BEGAIN: variants seen among roughly 807,000 people sequenced by gnomAD.
BEGAIN encodes brain enriched guanylate kinase associated, also known as brain-enriched guanylate kinase-associated protein.
Under a neutral mutation model 35.8 loss-of-function variants are expected in BEGAIN, and 19 were observed. The ratio of observed to expected loss-of-function variants is 0.53; its 90% CI spans 0.37 to 0.78. The LOEUF is 0.78. BEGAIN is among the 30% of genes least tolerant of loss of function. The pLI is 0.00. For synonymous variants in BEGAIN, 462 were observed against 388.6 expected (o/e 1.19, Z -2.22); for missense variants, 795 against 853.6 (o/e 0.93, Z 0.85).
chr14:100,538,217 C>T lies in BEGAIN; in HGVS notation c.1591G>A (p.Gly531Ser), dbSNP rs746823700. The T allele has an allele frequency of 3.2e-6, 5 of 1,565,516 alleles. No homozygotes were observed. Among genetic ancestry groups the T allele is most frequent in the Non-Finnish European group, 4.3e-6 (5 of 1,161,712 alleles). The change falls in exon 7 of 7, where the codon GGC becomes AGC. Residue 531 changes from glycine to serine, a missense_variant. Gly to Ser is a moderately conservative substitution (Grantham distance 56). Coordinates refer to ENST00000554140, the MANE Select transcript of BEGAIN (RefSeq NM_001385089.1). ...SPGRSADPLP[G>S]YAPSEGGDGD... ...TCCCCCCCCTCGCTGGGTGCATAGC[C>T]GGGCAGTGGGTCAGCCGAGCGGCCG...
chr14:100,538,073 C>CG lies in BEGAIN; in HGVS notation c.1734dup (p.Ala579ArgfsTer88). On this transcript the variant is annotated frameshift_variant, in exon 7 of 7. Transcript: ENST00000554140. LOFTEE classifies it high-confidence loss of function. ...AAGGCCTGCTGGGGGCTGAGGCGGG[C>CG]GGCAGGATGCATTTCCGGGGAGGCC... The CG allele has an allele frequency of 6.3e-7, 1 of 1,592,258 alleles. No individual in the cohort carries two copies. Among genetic ancestry groups the CG allele is most frequent in the Non-Finnish European group, 8.5e-7 (1 of 1,171,206 alleles).
chr14:100,538,731 G>A lies in BEGAIN; in HGVS notation c.1077C>T (p.Ala359=), dbSNP rs551646369. The part of the protein sequence containing the change: ...RDELFDRKPP[A]TTYEGSPRFA... Reference sequence around the variant, plus strand: ...AGCGAGGGCTGCCCTCGTAGGTGGTGGCGGGTGGCTTGCGGTCGAAGAGCT... The same window carrying A: ...AGCGAGGGCTGCCCTCGTAGGTGGTAGCGGGTGGCTTGCGGTCGAAGAGCT... Residue 359 remains alanine, a synonymous_variant, in exon 7 of 7, where the codon GCC becomes GCT. Transcript: ENST00000554140. The A allele has an allele frequency of 4.7e-5, 74 of 1,569,120 alleles. No individual in the cohort carries two copies. The African/African-American group carries it at 4.9e-4, about 10-fold the overall frequency.
intron 2 of BEGAIN, chr14:100,549,882 G>A (rs565404851): frequency 6.6e-6 from 1 of 152,436 alleles, no homozygotes; most frequent in African/African-American, 2.4e-5. Context: ...CCAGCGTCTG[G>A]AAACAGCTCC....
In BEGAIN at chr14:100,563,718, C is replaced by T. The variant is rs1378665805; in HGVS notation, c.71+4193G>A. ...CCGGAGGTTCCACTGAGGGTGCACA[C>T]CCAGAATCGCAGCCCACATCCCCAG... On this transcript the variant is annotated intron_variant, in intron 2 of 6. Coordinates refer to ENST00000554140, the MANE Select transcript of BEGAIN (RefSeq NM_001385089.1). This position sits in a 1 kb window ranked among gnomAD's most constrained non-coding sequence, Gnocchi z 4.2. 6.6e-6 allele frequency among the ~76,000 whole-genome samples: 1 copy of T among 152,218 alleles called. No individual in the cohort carries two copies. The highest frequency in any genetic ancestry group is 1.5e-5 in the Non-Finnish European group (1 of 68,044).
chr14:100,587,209 C>G (rs934187873), intron 1 of BEGAIN, 40 bp downstream of exon 1: 3 of 181,710 alleles, frequency 1.7e-5, no homozygotes, highest in Non-Finnish European at 3.3e-5. Flanking sequence ...GCCTCCGCGC[C>G]CGCGCCCGCG....
At chr14:100,572,744 C>T (rs1232829016) in intron 1 of BEGAIN, among the ~76,000 whole-genome samples, 2 of 152,174 alleles carry the variant, frequency 1.3e-5, no homozygotes, top group Non-Finnish European at 2.9e-5. Context: ...CTGGGAGCAA[C>T]AAGGCGGCTG....
intron 2 of BEGAIN, among the ~76,000 whole-genome samples, chr14:100,561,940 G>A (rs1434571372): frequency 6.6e-6 from 1 of 152,120 alleles, no homozygotes; most frequent in African/African-American, 2.4e-5. Flanking sequence ...GATTAGGAGT[G>A]ACTCCCAGAC....
At chr14:100,555,979 CGTGT>C (rs757113563) in intron 2 of BEGAIN, among the ~76,000 whole-genome samples, 2 of 151,364 alleles carry the variant, frequency 1.3e-5, no homozygotes, top group Admixed American at 1.3e-4. Context: ...CATGCATGTG[CGTGT>C]GTGTGTGTGT....
chr14:100,577,517 C>T (rs1479555635), intron 1 of BEGAIN: 2 of 399,208 alleles, frequency 5.0e-6, no homozygotes, highest in East Asian at 3.6e-5. Context: ...AGACCTTGGC[C>T]TCGATCCACT....
Position 100,540,594 on chromosome 14 carries a change from A to G in BEGAIN, c.409-15T>C. Reference sequence around the variant, plus strand: ...CTATAGAGCTCCTAAAAGACAAGAGAAGGCGTTTGGCGCCATTCACCCCAG... The same window carrying G: ...CTATAGAGCTCCTAAAAGACAAGAGGAGGCGTTTGGCGCCATTCACCCCAG... On this transcript the variant is annotated splice_polypyrimidine_tract_variant and intron_variant, in intron 5 of 6. Transcript: ENST00000554140. 6.3e-7 allele frequency: 1 copy of G among 1,585,114 alleles called. No homozygotes were observed. Among genetic ancestry groups the G allele is most frequent in the East Asian group, 2.3e-5 (1 of 43,686 alleles).
rs751134338 is a variant in BEGAIN at position 100,538,455 on chromosome 14, G to C, written c.1353C>G (p.Pro451=). The change falls in exon 7 of 7, where the codon CCC becomes CCG. Residue 451 remains proline (P), a synonymous_variant. Transcript: ENST00000554140. ...GTGAGGCGCGGCCGGCAGCGCTCAC[G>C]GGGTAGGAGTAGGCGCCGATGTCCT... The part of the protein sequence containing the change: ...SVEDIGAYSY[P]VSAAGRASPC... 41 of 1,587,826 alleles carry C rather than the reference G, an allele frequency of 2.6e-5. No individual in the cohort carries two copies. Among genetic ancestry groups the C allele is most frequent in the Admixed American group, 2.2e-4 (12 of 55,366 alleles).
chr14:100,543,009 G>T (rs1280500355), intron 5 of BEGAIN, among the ~76,000 whole-genome samples: 2 of 152,146 alleles, frequency 1.3e-5, no homozygotes, highest in Non-Finnish European at 2.9e-5. Flanking sequence ...GGCGCTCCTT[G>T]GCCCCTTTGG....
rs370896211 is a variant in BEGAIN at position 100,558,250 on chromosome 14, A to G, written c.71+9661T>C. Among the ~76,000 whole-genome samples the G allele has an allele frequency of 8.5e-5, 13 of 152,198 alleles. No homozygotes were observed. Among genetic ancestry groups the G allele is most frequent in the South Asian group, 2.1e-4 (1 of 4,818 alleles). On this transcript the variant is annotated intron_variant, in intron 2 of 6. Coordinates refer to ENST00000554140, the MANE Select transcript of BEGAIN (RefSeq NM_001385089.1). The surrounding 1 kb of genome is among the most constrained non-coding windows in gnomAD (Gnocchi z 4.6). ...CTCCTAGCCTGCCGGGATGGGACCA[A>G]TGCCCACCAGGATCTTGTCCCCTCC...
chr14:100,566,170 G>C lies in BEGAIN; in HGVS notation c.71+1741C>G, dbSNP rs1003681642. 2.0e-4 allele frequency among the ~76,000 whole-genome samples: 30 copies of C among 152,236 alleles called. 3 individuals carry two copies. Among genetic ancestry groups the C allele is most frequent in the Admixed American group, 1.9e-3 (29 of 15,286 alleles). On this transcript the variant is annotated intron_variant, in intron 2 of 6. Coordinates refer to ENST00000554140, the MANE Select transcript of BEGAIN (RefSeq NM_001385089.1). Reference sequence around the variant, plus strand: ...CAACTCCAGAAAGGCCACATGGCCCGATGCAGCCCAGGAGCCCAGGCCCTG... The same window carrying C: ...CAACTCCAGAAAGGCCACATGGCCCCATGCAGCCCAGGAGCCCAGGCCCTG...
chr14:100,575,710 G>A (rs2139751776), intron 1 of BEGAIN, among the ~76,000 whole-genome samples: 1 of 152,230 alleles, frequency 6.6e-6, no homozygotes, highest in Non-Finnish European at 1.5e-5. Context: ...GTATGGTCCA[G>A]CCCCTCCTGC....
intron 1 of BEGAIN, among the ~76,000 whole-genome samples, chr14:100,570,376 C>G (rs1027342902): frequency 6.6e-6 from 1 of 152,214 alleles, no homozygotes; most frequent in African/African-American, 2.4e-5. Context: ...CAGCCCCTGC[C>G]CTTCAAGCCT....
Position 100,568,637 on chromosome 14 carries a change from GC to G in BEGAIN, c.43-699del. 1 of 677,610 alleles carries G rather than the reference GC, an allele frequency of 1.5e-6. No individual in the cohort carries two copies. The highest frequency in any genetic ancestry group is 2.0e-6 in the Non-Finnish European group (1 of 511,660). 42.0% of individuals were successfully genotyped at this position (677,610 alleles called of 1,614,324 possible). The stretch of plus-strand genomic sequence containing the variant: ...CGCGCGCGGCTTGGAGACCCTCCCT[GC>G]CCAGCCCCGCTCAGCCGGGCAGCCC... On this transcript the variant is annotated intron_variant, in intron 1 of 6. Transcript: ENST00000554140. The surrounding 1 kb of genome is among the most constrained non-coding windows in gnomAD (Gnocchi z 7.5).
chr14:100,583,721 A>C (rs1425785770), intron 1 of BEGAIN, among the ~76,000 whole-genome samples: 12 of 40,344 alleles, frequency 3.0e-4, no homozygotes, highest in African/African-American at 4.1e-4. Context: ...ATGGAGTCTC[A>C]CTCTGTTGCC....
At chr14:100,545,122 C>G in intron 3 of BEGAIN, 56 bp from the exon 4 acceptor site, 22 of 1,609,694 alleles carry the variant, frequency 1.4e-5, no homozygotes, top group Admixed American at 1.7e-5. Context: ...TCCCACGACC[C>G]TTATGGCCGC....
Sources: allele counts gnomAD v4.1 joint callset (sites outside exome capture counted in the v4.1 genomes callset), GRCh38; gene constraint gnomAD v4.1.1; non-coding constraint Gnocchi (gnomAD v3.1); transcripts MANE v1.5; gene names NCBI Gene and HGNC (gene_info 2026-07-23, HGNC 2026-07-21).